Variants in XPOT observed in about 807,000 individuals in gnomAD.
XPOT encodes exportin-T.
In XPOT, 34 loss-of-function variants were observed where a neutral mutation model predicts 128.2. That is an observed-to-expected ratio of 0.27 (90% CI 0.20 to 0.35). XPOT has a LOEUF of 0.35. Among genes scored for constraint, XPOT ranks in the 10% least tolerant of loss-of-function variants. The probability of loss-of-function intolerance (pLI) is 1.00; values close to 1 mark genes in which losing one functional copy is unlikely to be tolerated. For missense variants in XPOT, 838 were observed against 1,125.3 expected, an observed-to-expected ratio of 0.74 and a Z score of 3.65; for synonymous variants, 348 against 394.3, an observed-to-expected ratio of 0.88 and a Z score of 1.39.
chr12:64,419,914 A>G (rs2040122561), intron 6 of XPOT, among the ~76,000 whole-genome samples, 156 bp from the exon 7 acceptor site: 1 of 152,260 alleles, frequency 6.6e-6, no homozygotes, highest in African/African-American at 2.4e-5. Context: ...GAGGAAATAC[A>G]AAGAATCACA....
At chr12:64,429,445 T>A (rs2040218723) in intron 16 of XPOT, among the ~76,000 whole-genome samples, 1 of 104,992 alleles carries the variant, frequency 9.5e-6, no homozygotes. Context: ...ACTCTAGTAC[T>A]TTTTTTTTTT....
At chr12:64,420,315 A>T (rs746292063) in intron 7 of XPOT, 38 bp from the exon 8 acceptor site, 141 of 1,601,598 alleles carry the variant, frequency 8.8e-5, no homozygotes, top group Non-Finnish European at 1.2e-4. Flanking sequence ...AAAACTCATG[A>T]CTTTGAAAAT....
At chr12:64,418,698 A>C (rs1183902528) in intron 5 of XPOT, among the ~76,000 whole-genome samples, 178 bp from the exon 6 acceptor site, 1 of 152,202 alleles carries the variant, frequency 6.6e-6, no homozygotes, top group Non-Finnish European at 1.5e-5. Context: ...AATCACTTAA[A>C]TACTTTTGAT....
At chr12:64,418,500 T>C (rs2040108407) in intron 5 of XPOT, among the ~76,000 whole-genome samples, 2 of 152,212 alleles carry the variant, frequency 1.3e-5, no homozygotes, top group African/African-American at 4.8e-5. Flanking sequence ...TCTTAACACA[T>C]AAAGCAGTTG....
intron 23 of XPOT, among the ~76,000 whole-genome samples, chr12:64,440,865 A>G (rs2040319289): frequency 6.6e-6 from 1 of 152,160 alleles, no homozygotes; most frequent in African/African-American, 2.4e-5. Context: ...TATCAGATAA[A>G]TGGTTTGCAA....
intron 2 of XPOT, among the ~76,000 whole-genome samples, chr12:64,412,099 C>G (rs965908785): frequency 1.4e-5 from 2 of 144,858 alleles, no homozygotes; most frequent in Non-Finnish European, 3.0e-5. Flanking sequence ...TCTTGGCTCA[C>G]AGCAACCTCC....
rs2040128597 is a variant in XPOT at position 64,420,508 on chromosome 12, T to C, written c.830T>C (p.Phe277Ser). 6.2e-7 allele frequency: 1 copy of C among 1,610,844 alleles called. No homozygotes were observed. The highest frequency in any genetic ancestry group is 8.5e-7 in the Non-Finnish European group (1 of 1,178,872). Residue 277 changes from phenylalanine (F) to serine (S), a missense_variant, in exon 8 of 25, where the codon TTC becomes TCC. Physicochemically the swap from Phe to Ser is radical, Grantham distance 155. Around this residue, in one of 3 missense-constraint regions of XPOT, gnomAD observed 761 missense variants for 988.3 expected, o/e 0.77. Transcript: ENST00000332707. ...LCQVLQSAGF[F>S]SIDQEEDVDF... is the part of the protein sequence containing the mutation. Reference sequence around the variant, plus strand: ...CAAGTATTACAGTCTGCTGGGTTTTTCAGCATTGACCAGGTTGGTAAATTT... The same window carrying C: ...CAAGTATTACAGTCTGCTGGGTTTTCCAGCATTGACCAGGTTGGTAAATTT...
intron 11 of XPOT, among the ~76,000 whole-genome samples, chr12:64,423,990 C>T (rs974833207): frequency 6.6e-6 from 1 of 152,086 alleles, no homozygotes; most frequent in Non-Finnish European, 1.5e-5. Flanking sequence ...TCTAGGTATT[C>T]AGTCATGGTA....
intron 16 of XPOT, 46 bp downstream of exon 16, chr12:64,428,166 G>A (rs774851518): frequency 8.5e-6 from 11 of 1,293,406 alleles, no homozygotes; most frequent in African/African-American, 1.5e-5. Context: ...ATTCATTGAA[G>A]CCACACGTGC....
intron 16 of XPOT, 62 bp downstream of exon 16, chr12:64,428,182 G>A (rs777893369): frequency 2.2e-4 from 254 of 1,169,822 alleles, no homozygotes; most frequent in Non-Finnish European, 2.9e-4. Flanking sequence ...CGTGCCATTA[G>A]CCTTGCCTTT....
chr12:64,422,103 C>T (rs2040144085), intron 9 of XPOT, among the ~76,000 whole-genome samples: 1 of 152,178 alleles, frequency 6.6e-6, no homozygotes, highest in African/African-American at 2.4e-5. Flanking sequence ...AGCCACCACG[C>T]CCGGCAACAA....
At position 64,420,247 on chromosome 12, in the gene XPOT, A is replaced by G; in HGVS notation, c.667A>G (p.Asn223Asp). 1 of 1,594,446 alleles carries G rather than the reference A, an allele frequency of 6.3e-7. No individual in the cohort carries two copies. The highest frequency in any genetic ancestry group is 8.5e-7 in the Non-Finnish European group (1 of 1,173,004). The part of the protein sequence containing the change: ...VSWIDLSLIA[N>D]DRFINMLLGH... The stretch of plus-strand genomic sequence containing the variant: ...TTGGATAGACTTATCCCTTATAGCC[A>G]ATGATAGGTAAGTATGCCTATTATT... Residue 223 changes from asparagine to aspartate, a missense_variant, in exon 7 of 25, where the codon AAT becomes GAT. By Grantham distance (23) the Asn-to-Asp change is conservative. This residue lies in a region of XPOT where 761 missense variants were observed against 988.3 expected (regional missense o/e 0.77). Transcript: ENST00000332707.
chr12:64,425,476 TG>T lies in XPOT; in HGVS notation c.1572+20del, dbSNP rs2040183765. On this transcript the variant is annotated intron_variant, in intron 14 of 24. Coordinates refer to ENST00000332707, the MANE Select transcript of XPOT (RefSeq NM_007235.6). ...TGTACTAGTAAGTACTCTGGATTTT[TG>T]TTACTTTCCATGGGTTTCAGCTAAT... The T allele has an allele frequency of 2.5e-6, 4 of 1,611,438 alleles. No individual in the cohort carries two copies. The highest frequency in any genetic ancestry group is 2.5e-6 in the Non-Finnish European group (3 of 1,179,108).
intron 1 of XPOT, among the ~76,000 whole-genome samples, chr12:64,407,249 C>G (rs2039992166): frequency 6.6e-6 from 1 of 152,012 alleles, no homozygotes; most frequent in African/African-American, 2.4e-5. Flanking sequence ...CTTTGGGAGG[C>G]CGAGTCTGGC....
intron 9 of XPOT, among the ~76,000 whole-genome samples, chr12:64,421,728 T>C (rs2040141007): frequency 6.6e-6 from 1 of 152,122 alleles, no homozygotes; most frequent in Non-Finnish European, 1.5e-5. Flanking sequence ...TTTGAACCTG[T>C]CTTTATTTGT....
intron 24 of XPOT, 40 bp from the exon 25 acceptor site, chr12:64,448,065 T>TC: frequency 6.3e-7 from 1 of 1,592,698 alleles, no homozygotes; most frequent in Non-Finnish European, 8.6e-7. Context: ...AGTGATATCT[T>TC]CTGACATTAG....
intron 1 of XPOT, among the ~76,000 whole-genome samples, chr12:64,407,260 A>G (rs986221960): frequency 6.6e-6 from 1 of 152,110 alleles, no homozygotes; most frequent in East Asian, 1.9e-4. Flanking sequence ...CGAGTCTGGC[A>G]GATCACCTGA....
At chr12:64,444,477 T>G (rs1015567746) in intron 23 of XPOT, among the ~76,000 whole-genome samples, 1 of 152,192 alleles carries the variant, frequency 6.6e-6, no homozygotes, top group Non-Finnish European at 1.5e-5. Context: ...TAAGCCTGAT[T>G]TATAAAATAA....
intron 17 of XPOT, among the ~76,000 whole-genome samples, 195 bp from the exon 18 acceptor site, chr12:64,431,343 C>T (rs563302587): frequency 5.9e-5 from 9 of 152,216 alleles, no homozygotes; most frequent in East Asian, 1.9e-4. Flanking sequence ...CTCTTTTGTT[C>T]TGGAAAGATC....
Sources: allele counts gnomAD v4.1 joint callset (sites outside exome capture counted in the v4.1 genomes callset), GRCh38; gene constraint gnomAD v4.1.1; regional missense constraint gnomAD v4.1.1; transcripts MANE v1.5; gene names NCBI Gene and HGNC (gene_info 2026-07-23, HGNC 2026-07-21).